The following KMT2A variants were observed in gnomAD, a reference collection of about 807,000 sequenced individuals.
KMT2A encodes histone-lysine N-methyltransferase 2A.
In KMT2A, 16 loss-of-function variants were observed where a neutral mutation model predicts 345.3. That is an observed-to-expected ratio of 0.05 (90% CI 0.03 to 0.07). The LOEUF is 0.07. KMT2A is among the 10% of genes least tolerant of loss of function. The probability of loss-of-function intolerance (pLI) is 1.00; values close to 1 mark genes in which losing one functional copy is unlikely to be tolerated. For synonymous variants in KMT2A, 1,599 were observed against 1,778.6 expected (o/e 0.90, Z 2.54); for missense variants, 3,272 against 4,841.6 (o/e 0.68, Z 9.62).
intron 6 of KMT2A, 124 bp from the exon 7 acceptor site, chr11:118,481,591 A>G: frequency 9.8e-7 from 1 of 1,016,900 alleles, no homozygotes; most frequent in South Asian, 1.7e-5. Flanking sequence ...TGATATACTG[A>G]TTTCCTTTAT....
At chr11:118,471,304 G>A (rs1327622047) in intron 2 of KMT2A, among the ~76,000 whole-genome samples, 5 of 152,130 alleles carry the variant, frequency 3.3e-5, no homozygotes, top group African/African-American at 9.7e-5. Context: ...AGGATATGGC[G>A]AGGAAGTTCA....
intron 27 of KMT2A, 100 bp from the exon 28 acceptor site, chr11:118,507,429 T>C: frequency 1.9e-6 from 2 of 1,031,572 alleles, no homozygotes; most frequent in Non-Finnish European, 3.0e-6. Flanking sequence ...TTATAGACTT[T>C]ATCAGATCCT....
rs1000988402 is a variant in KMT2A at position 118,525,894 on chromosome 11, G to T, written c.*3722G>T. The T allele has an allele frequency of 1.3e-5, 3 of 225,048 alleles. No homozygotes were observed. Among genetic ancestry groups the T allele is most frequent in the Admixed American group, 1.1e-4 (2 of 17,456 alleles). The allele number at this position is 225,048 out of a possible 1,614,324, so 13.9% of individuals were successfully genotyped here. On this transcript the variant is annotated 3_prime_UTR_variant, in exon 36 of 36. Transcript: ENST00000534358. ...GCAATACAAGGTTATGGAGCAGATG[G>T]TTTTGTGCCGAATCATGAATACTAG...
chr11:118,506,904 T>C (rs1451031680), intron 27 of KMT2A, among the ~76,000 whole-genome samples: 1 of 152,206 alleles, frequency 6.6e-6, no homozygotes, highest in Non-Finnish European at 1.5e-5. Flanking sequence ...TTGCTGTTTG[T>C]TCCTGTTTCT....
chr11:118,502,322 A>T lies in KMT2A; in HGVS notation c.6506-76A>T. The T allele has an allele frequency of 1.1e-6, 1 of 895,070 alleles. No individual in the cohort carries two copies. The highest frequency in any genetic ancestry group is 1.7e-5 in the African/African-American group (1 of 59,708). The allele number at this position is 895,070 out of a possible 1,614,324, so 55.4% of individuals were successfully genotyped here. On this transcript the variant is annotated intron_variant, in intron 26 of 35. Transcript: ENST00000534358. This position sits in a 1 kb window ranked among gnomAD's most constrained non-coding sequence, Gnocchi z 4.9. Reference sequence around the variant, plus strand: ...CCTATAAATATATATATATATAGTCAAATCATTGAAACCAGTGACTTCTAC... The same window carrying T: ...CCTATAAATATATATATATATAGTCTAATCATTGAAACCAGTGACTTCTAC...
chr11:118,439,158 CAAA>C (rs34166714), intron 1 of KMT2A: 3,478 of 261,010 alleles, frequency 0.013, no homozygotes, highest in South Asian at 0.018. Context: ...GATACAGCAG[CAAA>C]AAAAAAAAAA....
chr11:118,514,291 G>A (rs1020704549), intron 31 of KMT2A, among the ~76,000 whole-genome samples: 1 of 152,170 alleles, frequency 6.6e-6, no homozygotes, highest in Non-Finnish European at 1.5e-5. Flanking sequence ...GCTCTTTGAG[G>A]TTTCCTGTCT....
chr11:118,508,728 A>G (rs534761797), intron 28 of KMT2A, among the ~76,000 whole-genome samples: 1 of 152,264 alleles, frequency 6.6e-6, no homozygotes, highest in South Asian at 2.1e-4. Flanking sequence ...CTCAAAAAAA[A>G]AAAAAAAAAG....
At position 118,505,368 on chromosome 11, in the gene KMT2A, T is replaced by C. The variant is rs1950563090; in HGVS notation, c.9476T>C (p.Met3159Thr). The C allele has an allele frequency of 8.7e-6, 14 of 1,614,070 alleles. No individual in the cohort carries two copies. The highest frequency in any genetic ancestry group is 1.2e-5 in the Non-Finnish European group (14 of 1,180,034). ...TCTGCTAGCAAAGGATTGCTACCCA[T>C]GTCTCATCACCAGCACTTACATTCC... ...FPSASKGLLP[M>T]SHHQHLHSFP... Residue 3159 changes from methionine to threonine, a missense_variant, in exon 27 of 36, where the codon ATG becomes ACG. Met to Thr is a moderately conservative substitution (Grantham distance 81, BLOSUM62 -1). Transcript: ENST00000534358. The surrounding 1 kb of genome is among the most constrained non-coding windows in gnomAD (Gnocchi z 4.6).
At chr11:118,517,724 C>T (rs1444377012) in intron 31 of KMT2A, among the ~76,000 whole-genome samples, 1 of 152,146 alleles carries the variant, frequency 6.6e-6, no homozygotes, top group Non-Finnish European at 1.5e-5. Context: ...TGCCTGTAGT[C>T]CCAGCTACCT....
chr11:118,489,990 C>T, intron 12 of KMT2A, 103 bp downstream of exon 12: 3 of 1,418,956 alleles, frequency 2.1e-6, no homozygotes, highest in Non-Finnish European at 2.9e-6. Context: ...GTCAGTATGA[C>T]AATCTTTTTG....
rs138509283 is a variant in KMT2A, at chr11:118,480,857, C to T, written c.3634+619C>T. Among the ~76,000 whole-genome samples the T allele has an allele frequency of 4.1e-4, 62 of 152,064 alleles. 1 individual carries two copies. The highest frequency in any genetic ancestry group is 1.2e-3 in the South Asian group (6 of 4,812). On this transcript the variant is annotated intron_variant, in intron 6 of 35. Coordinates refer to ENST00000534358, the MANE Select transcript of KMT2A (RefSeq NM_001197104.2). ...TTTGTAAATTTTTTTTGCAGAGACA[C>T]GATTTTGCCATGTTGCCCAGGCTGG...
At chr11:118,509,292 TA>T (rs58992225) in intron 29 of KMT2A, 92 bp downstream of exon 29, 18,579 of 851,410 alleles carry the variant, frequency 0.022, no homozygotes, top group East Asian at 0.029. Context: ...TTTCTACATT[TA>T]AAAAAAAAAA....
At position 118,471,802 on chromosome 11, in the gene KMT2A, T is replaced by C. The variant is rs782430019; in HGVS notation, c.643T>C (p.Ser215Pro). ...KSGDKIKKKD[S>P]KSIEKKRGRP... ...TGGAGATAAGATCAAGAAGAAAGATTCTAAAAGTATAGAAAAGAAGAGAGG... is the reference window on the plus strand; with the variant it reads ...TGGAGATAAGATCAAGAAGAAAGATCCTAAAAGTATAGAAAAGAAGAGAGG... Residue 215 changes from serine to proline, a missense_variant, in exon 3 of 36, where the codon TCT becomes CCT. Ser to Pro is a moderately conservative substitution (Grantham distance 74, BLOSUM62 -1). Coordinates refer to ENST00000534358, the MANE Select transcript of KMT2A (RefSeq NM_001197104.2). 19 of 1,613,392 alleles carry C rather than the reference T, an allele frequency of 1.2e-5. No individual in the cohort carries two copies. In the East Asian group the frequency reaches 4.2e-4, roughly 36 times the overall value.
At chr11:118,442,422 G>A (rs996940931) in intron 1 of KMT2A, among the ~76,000 whole-genome samples, 4 of 152,204 alleles carry the variant, frequency 2.6e-5, no homozygotes, top group Non-Finnish European at 5.9e-5. Flanking sequence ...TAGGAAAGAG[G>A]ATGCCACAGA....
rs2134372202 is a variant in KMT2A, at chr11:118,499,351, T to C, written c.6010T>C (p.Phe2004Leu). The change falls in exon 23 of 36, where the codon TTT (phenylalanine) becomes CTT (leucine). Residue 2004 changes from phenylalanine (F) to leucine (L), a missense_variant. Transcript: ENST00000534358. ...FEVFRRVFVDFEGISLRRKFL... is the reference protein window; with the variant it reads ...FEVFRRVFVDLEGISLRRKFL... ...AGTTTTCAGAAGAGTGTTTGTGGAC[T>C]TTGAAGGAATCAGCTTGAGAAGGAA... is the stretch of plus-strand genomic sequence containing the variant. The C allele has an allele frequency of 6.2e-7, 1 of 1,612,784 alleles. No individual in the cohort carries two copies. The highest frequency in any genetic ancestry group is 8.5e-7 in the Non-Finnish European group (1 of 1,179,918).
rs1170301842 is a variant in KMT2A at position 118,520,894 on chromosome 11, A to G, written c.11513+9A>G. The G allele has an allele frequency of 2.5e-6, 4 of 1,593,402 alleles. No homozygotes were observed. Among genetic ancestry groups the G allele is most frequent in the African/African-American group, 2.7e-5 (2 of 74,444 alleles). ...GCAGTTGGTGTCTACAGGTATGACTAAAATTCTAGAAAGAATTACAGAAAA... is the reference window on the plus strand; with the variant it reads ...GCAGTTGGTGTCTACAGGTATGACTGAAATTCTAGAAAGAATTACAGAAAA... On this transcript the variant is annotated intron_variant, in intron 34 of 35. Transcript: ENST00000534358. This position sits in a 1 kb window ranked among gnomAD's most constrained non-coding sequence, Gnocchi z 4.3.
chr11:118,514,313 C>T (rs1436005662), intron 31 of KMT2A, among the ~76,000 whole-genome samples: 1 of 152,244 alleles, frequency 6.6e-6, no homozygotes, highest in Non-Finnish European at 1.5e-5. Flanking sequence ...CGGATCCTTA[C>T]ATGGCGAGGT....
chr11:118,488,484 A>G, intron 10 of KMT2A, 130 bp from the exon 11 acceptor site: 1 of 897,994 alleles, frequency 1.1e-6, no homozygotes, highest in Non-Finnish European at 1.8e-6. Flanking sequence ...TCATTGCTTA[A>G]TGAATATGTA....
Sources: allele counts gnomAD v4.1 joint callset (sites outside exome capture counted in the v4.1 genomes callset), GRCh38; gene constraint gnomAD v4.1.1; non-coding constraint Gnocchi (gnomAD v3.1); transcripts MANE v1.5; gene names NCBI Gene and HGNC (gene_info 2026-07-23, HGNC 2026-07-21).